Variants in CNTN4 observed in about 807,000 individuals in gnomAD.
CNTN4 encodes the protein contactin-4.
In CNTN4, 77 loss-of-function variants were observed where a neutral mutation model predicts 122.5. The ratio of observed to expected loss-of-function variants is 0.63; its 90% confidence interval spans 0.52 to 0.76. The LOEUF (loss-of-function observed/expected upper bound fraction) is 0.76, where lower values mean the gene tolerates loss of function less well. CNTN4 is among the 30% of genes least tolerant of loss of function. CNTN4 has a pLI of 0.00. For missense variants in CNTN4, 1,256 were observed against 1,259.1 expected, an observed-to-expected ratio of 1.00 and a Z score of 0.04; for synonymous variants, 512 against 447.0, an observed-to-expected ratio of 1.15 and a Z score of -1.83.
At chr3:2,716,218 T>A (rs762124658) in intron 4 of CNTN4, among the ~76,000 whole-genome samples, 1 of 152,144 alleles carries the variant, frequency 6.6e-6, no homozygotes, top group African/African-American at 2.4e-5. Context: ...ACCAAACATA[T>A]ACTTGTTTAA....
intron 8 of CNTN4, among the ~76,000 whole-genome samples, chr3:2,869,165 G>A (rs559746218): frequency 6.6e-6 from 1 of 152,276 alleles, no homozygotes; most frequent in East Asian, 1.9e-4. Flanking sequence ...CGAGTGCAGC[G>A]AGAAGCCGTT....
At chr3:2,304,647 T>C (rs2042639016) in intron 2 of CNTN4, among the ~76,000 whole-genome samples, 1 of 151,944 alleles carries the variant, frequency 6.6e-6, no homozygotes, top group Non-Finnish European at 1.5e-5. Flanking sequence ...CTTTATCACA[T>C]TGTGTGAACT....
intron 3 of CNTN4, among the ~76,000 whole-genome samples, chr3:2,466,477 A>G (rs1018038378): frequency 3.9e-5 from 6 of 152,186 alleles, no homozygotes; most frequent in African/African-American, 7.2e-5. Flanking sequence ...AATAAAAGAA[A>G]TTTTCATGGG....
At chr3:2,571,173 T>G (rs970308344) in intron 3 of CNTN4, among the ~76,000 whole-genome samples, 1 of 152,170 alleles carries the variant, frequency 6.6e-6, no homozygotes, top group Non-Finnish European at 1.5e-5. Flanking sequence ...TCAGAAACTG[T>G]TCTTGTCTTC....
At chr3:2,483,856 G>A (rs535074773) in intron 3 of CNTN4, among the ~76,000 whole-genome samples, 7 of 152,186 alleles carry the variant, frequency 4.6e-5, no homozygotes, top group East Asian at 1.9e-4. Flanking sequence ...TCATAGCAGC[G>A]TGAGAACAGA....
At chr3:2,703,544 T>C (rs1006470580) in intron 4 of CNTN4, among the ~76,000 whole-genome samples, 2 of 152,162 alleles carry the variant, frequency 1.3e-5, no homozygotes, top group African/African-American at 4.8e-5. Context: ...ATAAATGATA[T>C]AGGGTACTAT....
At chr3:2,555,330 G>C (rs1273970209) in intron 3 of CNTN4, among the ~76,000 whole-genome samples, 1 of 152,030 alleles carries the variant, frequency 6.6e-6, no homozygotes, top group Non-Finnish European at 1.5e-5. Flanking sequence ...GCCTTATTCT[G>C]CTTTTTCCTC....
intron 12 of CNTN4, among the ~76,000 whole-genome samples, chr3:2,917,742 A>G (rs2094384852): frequency 6.6e-6 from 1 of 152,202 alleles, no homozygotes; most frequent in Non-Finnish European, 1.5e-5. Flanking sequence ...TTAAGCCATC[A>G]CAGCAGAGTA....
intron 3 of CNTN4, among the ~76,000 whole-genome samples, chr3:2,531,116 G>C (rs1351084428): frequency 6.6e-6 from 1 of 152,166 alleles, no homozygotes; most frequent in East Asian, 1.9e-4. Context: ...CAATATGTTT[G>C]ATGACATTAA....
chr3:2,931,972 T>G (rs1209760210), intron 13 of CNTN4, among the ~76,000 whole-genome samples: 2 of 152,018 alleles, frequency 1.3e-5, no homozygotes, highest in African/African-American at 4.8e-5. Flanking sequence ...ATCATCGATC[T>G]TCTCCACCCT....
intron 4 of CNTN4, among the ~76,000 whole-genome samples, chr3:2,673,775 C>G (rs551929914): frequency 2.0e-5 from 3 of 152,286 alleles, no homozygotes; most frequent in Middle Eastern, 6.8e-3. Flanking sequence ...ATTTCCCGAC[C>G]TCGTGATCCG....
intron 3 of CNTN4, among the ~76,000 whole-genome samples, chr3:2,390,760 C>A (rs2046414180): frequency 6.6e-6 from 1 of 151,952 alleles, no homozygotes; most frequent in Admixed American, 6.6e-5. Context: ...TAATGTTGAC[C>A]ATATAACCGA....
intron 3 of CNTN4, among the ~76,000 whole-genome samples, chr3:2,463,992 T>C (rs1456571681): frequency 6.6e-6 from 1 of 152,160 alleles, no homozygotes; most frequent in Non-Finnish European, 1.5e-5. Flanking sequence ...AGTATTCATT[T>C]TCCTGTCCAA....
intron 13 of CNTN4, among the ~76,000 whole-genome samples, chr3:2,964,035 C>T (rs1376416868): frequency 2.0e-5 from 3 of 152,190 alleles, no homozygotes; most frequent in African/African-American, 7.2e-5. Flanking sequence ...CATTGCCTGA[C>T]ACATAGTAGG....
chr3:2,716,930 C>T (rs73807907), intron 4 of CNTN4, among the ~76,000 whole-genome samples: 178 of 152,270 alleles, frequency 1.2e-3, no homozygotes, highest in African/African-American at 4.2e-3. Flanking sequence ...TTTCAAGATT[C>T]ATCTCTATTG....
chr3:2,260,683 A>G (rs2040798740), intron 2 of CNTN4, among the ~76,000 whole-genome samples: 1 of 151,618 alleles, frequency 6.6e-6, no homozygotes, highest in Admixed American at 6.6e-5. Context: ...ACTTCCCATT[A>G]CAGATTTAAG....
At chr3:2,443,563 AATC>A (rs2048514666) in intron 3 of CNTN4, among the ~76,000 whole-genome samples, 1 of 152,212 alleles carries the variant, frequency 6.6e-6, no homozygotes, top group South Asian at 2.1e-4. Context: ...AAAGAATACA[AATC>A]ATCACAAATC....
intron 3 of CNTN4, among the ~76,000 whole-genome samples, chr3:2,435,390 ATGTAAATAGTTGTTG>A (rs2048224484): frequency 6.6e-6 from 1 of 152,126 alleles, no homozygotes; most frequent in Admixed American, 6.6e-5. Flanking sequence ...GTGTAATTCT[ATGTAAATAGTTGTTG>A]TACCATTTAG....
intron 23 of CNTN4, among the ~76,000 whole-genome samples, chr3:3,052,116 G>A (rs1261834374): frequency 6.6e-6 from 1 of 152,138 alleles, no homozygotes. Context: ...TAATCATGAT[G>A]CCTATCCCAT....
Sources: gnomAD v4.1 joint callset for allele counts (sites outside exome capture counted in the v4.1 genomes callset) on GRCh38, gnomAD v4.1.1 for gene constraint, MANE v1.5 for transcripts, NCBI Gene and HGNC (gene_info 2026-07-23, HGNC 2026-07-21) for gene names.